CFH: variants seen among roughly 807,000 people sequenced by gnomAD.
CFH encodes the protein complement factor H.
Under a neutral mutation model 147.3 loss-of-function variants are expected in CFH, and 53 were observed. The observed-to-expected ratio is 0.36, with a 90% CI of 0.29 to 0.45. CFH has a LOEUF of 0.45. CFH is among the 20% of genes least tolerant of loss of function. CFH has a pLI of 1.00. For synonymous variants in CFH, 536 were observed against 489.4 expected (o/e 1.10, Z -1.26); for missense variants, 1,380 against 1,498.0 (o/e 0.92, Z 1.30).
At chr1:196,661,455 AC>A (rs1434701278) in intron 1 of CFH, among the ~76,000 whole-genome samples, 1 of 152,194 alleles carries the variant, frequency 6.6e-6, no homozygotes, top group African/African-American at 2.4e-5. Flanking sequence ...AGAAAGTCTA[AC>A]AGCAAGATAG....
At chr1:196,689,911 G>A in intron 8 of CFH, 152 bp from the exon 9 acceptor site, 1 of 932,832 alleles carries the variant, frequency 1.1e-6, no homozygotes, top group Non-Finnish European at 1.6e-6. Context: ...GCAAACCTTT[G>A]TTAGTAACTT....
intron 9 of CFH, among the ~76,000 whole-genome samples, chr1:196,711,036 T>C (rs1477425743): frequency 6.6e-6 from 1 of 152,116 alleles, no homozygotes; most frequent in African/African-American, 2.4e-5. Flanking sequence ...ACCATAATGA[T>C]GTCATTTCTG....
At chr1:196,658,714 C>T (rs764498551) in intron 1 of CFH, among the ~76,000 whole-genome samples, 1 of 151,690 alleles carries the variant, frequency 6.6e-6, no homozygotes, top group Non-Finnish European at 1.5e-5. Context: ...CATGAGCCAC[C>T]GCGCCCGGCC....
chr1:196,725,369 TG>T (rs1669111784), intron 12 of CFH, 72 bp downstream of exon 12: 6 of 1,477,458 alleles, frequency 4.1e-6, no homozygotes, highest in African/African-American at 2.8e-5. Flanking sequence ...TTATTAATTT[TG>T]TTTGGGCTCC....
chr1:196,656,364 C>G (rs1450654502), intron 1 of CFH, among the ~76,000 whole-genome samples: 1 of 150,952 alleles, frequency 6.6e-6, no homozygotes, highest in African/African-American at 2.4e-5. Flanking sequence ...AATATTCTTT[C>G]AGAAACTCCT....
rs34594237 is a variant in CFH, at chr1:196,742,020, T to C, written c.3102T>C (p.Asn1034=). ...MDGASNVTCI[N]SRWTGRPTCR... is the part of the protein sequence containing the mutation. ...GAGCCAGTAATGTAACATGCATTAATAGCAGATGGACAGGAAGGCCAACAT... is the reference window on the plus strand; with the variant it reads ...GAGCCAGTAATGTAACATGCATTAACAGCAGATGGACAGGAAGGCCAACAT... Residue 1034 remains asparagine, a synonymous_variant, in exon 19 of 22, where the codon AAT becomes AAC. Transcript: ENST00000367429. 1.2e-3 allele frequency: 2,010 copies of C among 1,614,174 alleles called. 28 individuals carry two copies. In the African/African-American group the frequency reaches 0.024, roughly 19 times the overall value.
In CFH at chr1:196,673,026, C is replaced by A; in HGVS notation, c.107C>A (p.Ser36Tyr). The stretch of plus-strand genomic sequence containing the variant: ...AGAAATACAGAAATTCTGACAGGTT[C>A]CTGGTCTGACCAAACATATCCAGAA... ...PRRNTEILTG[S>Y]WSDQTYPEGT... Residue 36 changes from serine to tyrosine, a missense_variant, in exon 2 of 22, where the codon TCC (serine) becomes TAC (tyrosine). Ser to Tyr is a moderately radical substitution (Grantham distance 144, BLOSUM62 -2). This residue lies in a region of CFH where 260 missense variants were observed against 263.3 expected (regional missense o/e 0.99). Transcript: ENST00000367429. 6.2e-7 allele frequency: 1 copy of A among 1,614,000 alleles called. No individual in the cohort carries two copies. Among genetic ancestry groups the A allele is most frequent in the Non-Finnish European group, 8.5e-7 (1 of 1,179,958 alleles).
chr1:196,714,635 G>GTATATATATATATATATA (rs1176351357), intron 10 of CFH, among the ~76,000 whole-genome samples: 15 of 24,918 alleles, frequency 6.0e-4, no homozygotes, highest in Non-Finnish European at 7.2e-4. Context: ...ACGTATATAT[G>GTATATATATATATATATA]TATATATATA....
intron 1 of CFH, among the ~76,000 whole-genome samples, chr1:196,660,381 T>C (rs1234115988): frequency 6.6e-6 from 1 of 151,966 alleles, no homozygotes; most frequent in Non-Finnish European, 1.5e-5. Context: ...AGGAAAGGAG[T>C]TAGCAATGCT....
rs1386839061 is a variant in CFH at position 196,672,289 on chromosome 1, C to T, written c.59-689C>T. ...AAAATGGCCAGAGACCCTATATTTA[C>T]TTGAAACAGGTCCTTCCTACTTGTG... On this transcript the variant is annotated intron_variant, in intron 1 of 21. Coordinates refer to ENST00000367429, the MANE Select transcript of CFH (RefSeq NM_000186.4). Among the ~76,000 whole-genome samples, 3 of 152,280 alleles carry T rather than the reference C, an allele frequency of 2.0e-5. No homozygotes were observed. In the East Asian group the frequency reaches 5.8e-4, roughly 29 times the overall value.
intron 11 of CFH, among the ~76,000 whole-genome samples, chr1:196,724,435 C>T (rs34853939): frequency 1.7e-4 from 26 of 152,180 alleles, no homozygotes; most frequent in Non-Finnish European, 3.4e-4. Flanking sequence ...CCCAAATCTC[C>T]ACTCACACCA....
At chr1:196,697,950 A>G (rs1377173145) in intron 9 of CFH, among the ~76,000 whole-genome samples, 10 of 144,828 alleles carry the variant, frequency 6.9e-5, no homozygotes, top group Admixed American at 1.4e-4. Flanking sequence ...TGGGAATTGA[A>G]CAATGAGAAC....
rs1223248547 is a variant in CFH, at chr1:196,747,156, C to T, written c.3539C>T (p.Ala1180Val). 1 of 1,613,718 alleles carries T rather than the reference C, an allele frequency of 6.2e-7. No homozygotes were observed. The highest frequency in any genetic ancestry group is 8.5e-7 in the Non-Finnish European group (1 of 1,179,838). The change falls in exon 22 of 22, where the codon GCA (alanine) becomes GTA (valine). Residue 1180 changes from alanine (A) to valine (V), a missense_variant. Coordinates refer to ENST00000367429, the MANE Select transcript of CFH (RefSeq NM_000186.4). ...GAAATTATGGAAAATTATAACATAG[C>T]ATTAAGGTGGACAGCCAAACAGAAG... is the stretch of plus-strand genomic sequence containing the variant. ...SREIMENYNIALRWTAKQKLY... is the reference protein window; with the variant it reads ...SREIMENYNIVLRWTAKQKLY...
Position 196,747,407 on chromosome 1 carries a change from C to A in CFH, c.*94C>A. 1 of 1,493,456 alleles carries A rather than the reference C, an allele frequency of 6.7e-7. No homozygotes were observed. Among genetic ancestry groups the A allele is most frequent in the Non-Finnish European group, 9.2e-7 (1 of 1,085,186 alleles). 92.5% of individuals were successfully genotyped at this position (1,493,456 alleles called of 1,614,324 possible). On this transcript the variant is annotated 3_prime_UTR_variant, in exon 22 of 22. Transcript: ENST00000367429. The stretch of plus-strand genomic sequence containing the variant: ...ATGTATTGTTTTACTCCTTTTTATT[C>A]ATACGTAAAATTTTGGATTAATTTG...
intron 18 of CFH, 168 bp downstream of exon 18, chr1:196,740,960 A>G (rs569037632): frequency 2.9e-6 from 2 of 687,746 alleles, no homozygotes; most frequent in Non-Finnish European, 2.5e-6. Flanking sequence ...ATTTGACATT[A>G]TAAGCCAAAT....
At chr1:196,673,493 C>G in intron 2 of CFH, 2 of 373,862 alleles carry the variant, frequency 5.3e-6, no homozygotes, top group Non-Finnish European at 1.0e-5. Flanking sequence ...CGTGCCACCA[C>G]GCCCGGCTAA....
At chr1:196,734,271 C>A (rs550607403) in intron 15 of CFH, among the ~76,000 whole-genome samples, 26 of 152,138 alleles carry the variant, frequency 1.7e-4, no homozygotes, top group Middle Eastern at 3.4e-3. Flanking sequence ...ACTGGTCTTT[C>A]ATTTTCTTTC....
At chr1:196,670,957 AT>A (rs1010242745) in intron 1 of CFH, among the ~76,000 whole-genome samples, 3 of 151,872 alleles carry the variant, frequency 2.0e-5, no homozygotes, top group Non-Finnish European at 2.9e-5. Context: ...TACACCACAC[AT>A]TTTTTTATAC....
intron 9 of CFH, among the ~76,000 whole-genome samples, chr1:196,693,696 A>T (rs1668147080): frequency 6.6e-6 from 1 of 152,130 alleles, no homozygotes; most frequent in Non-Finnish European, 1.5e-5. Flanking sequence ...ACAAGAAAGT[A>T]TTCAGGCTCT....
Sources: gnomAD v4.1 joint callset for allele counts (sites outside exome capture counted in the v4.1 genomes callset) on GRCh38, gnomAD v4.1.1 for gene constraint, gnomAD v4.1.1 regional missense constraint, MANE v1.5 for transcripts, NCBI Gene and HGNC (gene_info 2026-07-23, HGNC 2026-07-21) for gene names.